The following VRK1 variants were observed in gnomAD, a reference collection of about 807,000 sequenced individuals.
VRK1 encodes serine/threonine-protein kinase VRK1.
In VRK1, 33 loss-of-function variants were observed where a neutral mutation model predicts 57.1. The ratio of observed to expected loss-of-function variants is 0.58; its 90% CI spans 0.44 to 0.77. The LOEUF (loss-of-function observed/expected upper bound fraction) is 0.77. Among genes scored for constraint, VRK1 ranks in the 30% least tolerant of loss-of-function variants. VRK1 has a pLI of 0.00. For missense variants in VRK1, 413 were observed against 477.3 expected, an observed-to-expected ratio of 0.87 and a Z score of 1.25; for synonymous variants, 137 against 147.8, an observed-to-expected ratio of 0.93 and a Z score of 0.53.
At chr14:96,858,639 G>A (rs1185883657) in intron 10 of VRK1, among the ~76,000 whole-genome samples, 1 of 152,094 alleles carries the variant, frequency 6.6e-6, no homozygotes, top group Non-Finnish European at 1.5e-5. Context: ...AGCCTTTCTT[G>A]AAAAGACCAT....
At chr14:96,827,412 T>A (rs907280145) in intron 1 of VRK1, among the ~76,000 whole-genome samples, 1 of 152,138 alleles carries the variant, frequency 6.6e-6, no homozygotes, top group Non-Finnish European at 1.5e-5. Context: ...TTGTTTTTCT[T>A]AATCTCTTAA....
At chr14:96,863,340 A>G in intron 11 of VRK1, among the ~76,000 whole-genome samples, 1 of 152,212 alleles carries the variant, frequency 6.6e-6, no homozygotes, top group Non-Finnish European at 1.5e-5. Context: ...ACAATTACAT[A>G]AAAAGTCTAG....
chr14:96,878,866 G>A (rs1889140766), intron 12 of VRK1, among the ~76,000 whole-genome samples: 2 of 152,216 alleles, frequency 1.3e-5, no homozygotes, highest in South Asian at 2.1e-4. Flanking sequence ...TCAAAATCAT[G>A]CCAGTATTTC....
At chr14:96,865,279 A>C (rs1888540621) in intron 11 of VRK1, among the ~76,000 whole-genome samples, 1 of 152,098 alleles carries the variant, frequency 6.6e-6, no homozygotes, top group Non-Finnish European at 1.5e-5. Context: ...TTGGATATCT[A>C]GTTGATCTCA....
intron 9 of VRK1, 42 bp downstream of exon 9, chr14:96,856,292 G>A: frequency 6.2e-7 from 1 of 1,604,578 alleles, no homozygotes; most frequent in Non-Finnish European, 8.5e-7. Context: ...ATCATGATAA[G>A]CCAAATGTTT....
chr14:96,830,790 A>G (rs1023674524), intron 1 of VRK1, among the ~76,000 whole-genome samples: 9 of 152,168 alleles, frequency 5.9e-5, no homozygotes, highest in Non-Finnish European at 1.3e-4. Context: ...CATTCTCTAG[A>G]TCCCACTCTT....
At chr14:96,845,503 G>T (rs975757676) in intron 3 of VRK1, among the ~76,000 whole-genome samples, 1 of 152,168 alleles carries the variant, frequency 6.6e-6, no homozygotes, top group Non-Finnish European at 1.5e-5. Context: ...TTGTTAATGA[G>T]CCCCATGTTT....
intron 2 of VRK1, among the ~76,000 whole-genome samples, chr14:96,836,168 G>A (rs1887204345): frequency 6.6e-6 from 1 of 151,924 alleles, no homozygotes. Context: ...TTTGTACCAA[G>A]CCTTTGAAAA....
intron 1 of VRK1, among the ~76,000 whole-genome samples, chr14:96,830,322 T>C (rs1886954405): frequency 6.6e-6 from 1 of 152,146 alleles, no homozygotes; most frequent in Non-Finnish European, 1.5e-5. Context: ...TTCTTTGTTA[T>C]ATGTATGTTG....
chr14:96,863,498 A>G (rs1427689828), intron 11 of VRK1, among the ~76,000 whole-genome samples: 2 of 152,162 alleles, frequency 1.3e-5, no homozygotes, highest in Non-Finnish European at 2.9e-5. Context: ...GGACATTAAC[A>G]CTTCCATGAA....
At chr14:96,841,404 G>A (rs1278806229) in intron 3 of VRK1, among the ~76,000 whole-genome samples, 3 of 152,126 alleles carry the variant, frequency 2.0e-5, no homozygotes, top group Non-Finnish European at 4.4e-5. Context: ...GTTCAGGACT[G>A]TGTATCTCCT....
chr14:96,839,625 ATT>A (rs1887372854), intron 3 of VRK1, among the ~76,000 whole-genome samples: 1 of 152,066 alleles, frequency 6.6e-6, no homozygotes, highest in South Asian at 2.1e-4. Flanking sequence ...TGTTGTGCTT[ATT>A]GGCCATTCAT....
At chr14:96,846,408 T>C (rs1887694706) in intron 4 of VRK1, among the ~76,000 whole-genome samples, 1 of 152,134 alleles carries the variant, frequency 6.6e-6, no homozygotes, top group African/African-American at 2.4e-5. Flanking sequence ...TTAGGAAATA[T>C]TGTTAAACAT....
At chr14:96,864,921 T>TAA (rs35205510) in intron 11 of VRK1, among the ~76,000 whole-genome samples, 14 of 148,504 alleles carry the variant, frequency 9.4e-5, no homozygotes, top group Non-Finnish European at 1.0e-4. Flanking sequence ...TTTGCCTATT[T>TAA]AAAAAAAAAA....
intron 2 of VRK1, among the ~76,000 whole-genome samples, chr14:96,837,212 A>C (rs1047309826): frequency 4.6e-5 from 7 of 152,184 alleles, no homozygotes; most frequent in African/African-American, 1.7e-4. Flanking sequence ...GGGCAACTGT[A>C]CTTCTTTATT....
intron 1 of VRK1, among the ~76,000 whole-genome samples, chr14:96,818,943 A>T (rs1886493165): frequency 6.6e-6 from 1 of 152,180 alleles, no homozygotes; most frequent in Admixed American, 6.5e-5. Context: ...TATTTTTCAA[A>T]TGATTTCTTA....
chr14:96,876,501 CTAAAATAAA>C (rs953963316), intron 12 of VRK1, among the ~76,000 whole-genome samples: 1 of 152,032 alleles, frequency 6.6e-6, no homozygotes, highest in African/African-American at 2.4e-5. Flanking sequence ...AACCCCATCT[CTAAAATAAA>C]TAAAATAAAT....
chr14:96,874,572 A>C (rs146779467), intron 11 of VRK1, among the ~76,000 whole-genome samples: 20 of 152,304 alleles, frequency 1.3e-4, no homozygotes, highest in African/African-American at 4.8e-4. Flanking sequence ...CAATACCCCC[A>C]TATACAAATC....
In VRK1 at chr14:96,797,424, A is replaced by G. The variant is rs1885471396; in HGVS notation, c.-29A>G. ...GCGGCGGGAAGTTCGTACTGGGCAG[A>G]ACGCGACGGGTCTGCGGCTTAGGGT... On this transcript the variant is annotated 5_prime_UTR_variant, in exon 1 of 13. Coordinates refer to ENST00000216639, the MANE Select transcript of VRK1 (RefSeq NM_003384.3). 1 of 152,100 alleles carries G rather than the reference A, an allele frequency of 6.6e-6. No individual in the cohort carries two copies. The highest frequency in any genetic ancestry group is 2.4e-5 in the African/African-American group (1 of 41,420). 9.4% of individuals were successfully genotyped at this position (152,100 alleles called of 1,614,324 possible). A position where few individuals can be genotyped will look rare whatever the true frequency, so the allele number is the denominator to read the frequency against.
Sources: gnomAD v4.1 joint callset for allele counts (sites outside exome capture counted in the v4.1 genomes callset) on GRCh38, gnomAD v4.1.1 for gene constraint, MANE v1.5 for transcripts, NCBI Gene and HGNC (gene_info 2026-07-23, HGNC 2026-07-21) for gene names.